The following NRCAM variants were observed in gnomAD, a reference collection of about 807,000 sequenced individuals.
NRCAM encodes the protein NgCAM-related cell adhesion molecule.
NRCAM carries 83 observed loss-of-function variants against 156.5 expected under a neutral mutation model. The ratio of observed to expected loss-of-function variants is 0.53; its 90% CI spans 0.44 to 0.64. NRCAM has a LOEUF of 0.64. NRCAM is among the 30% of genes least tolerant of loss of function. NRCAM has a pLI of 0.00. For missense variants in NRCAM, 1,417 were observed against 1,597.3 expected (o/e 0.89, Z 1.92); for synonymous variants, 538 against 563.9 (o/e 0.95, Z 0.65).
rs1368626957 is a variant in NRCAM, at chr7:108,276,769, C to T, written c.-107+35896G>A. 2.0e-5 allele frequency among the ~76,000 whole-genome samples: 3 copies of T among 152,268 alleles called. No homozygotes were observed. In the East Asian group the frequency reaches 5.8e-4, roughly 29 times the overall value. On this transcript the variant is annotated intron_variant, in intron 3 of 32. Transcript: ENST00000379028. The stretch of plus-strand genomic sequence containing the variant: ...TAATATTGTTAGGTGTGAATTTGAT[C>T]CTGTCATTATGGTGCTACCTGATTA...
chr7:108,344,941 G>C (rs537203011), intron 2 of NRCAM, among the ~76,000 whole-genome samples: 11 of 152,278 alleles, frequency 7.2e-5, no homozygotes, highest in Non-Finnish European at 1.3e-4. Context: ...AGGATAAGGG[G>C]GAGGGAGAAG....
intron 11 of NRCAM, among the ~76,000 whole-genome samples, chr7:108,215,212 ATTTTT>A (rs71137615): frequency 7.9e-6 from 1 of 126,560 alleles, no homozygotes; most frequent in South Asian, 2.5e-4. Context: ...GTGTCCCACT[ATTTTT>A]TTTTTTTTTT....
intron 3 of NRCAM, among the ~76,000 whole-genome samples, chr7:108,258,544 T>C (rs1161956346): frequency 6.6e-6 from 1 of 151,940 alleles, no homozygotes; most frequent in African/African-American, 2.4e-5. Context: ...TGGGGGAAAA[T>C]GATAAAGTAA....
Position 108,367,937 on chromosome 7 carries a change from C to T in NRCAM, c.-174+31499G>A, listed in dbSNP as rs574050637. Reference sequence around the variant, plus strand: ...ATATATAAAAAGACTCAAACCCTAACGTATGGTACAGGTTAAGTTTTGTTC... The same window carrying T: ...ATATATAAAAAGACTCAAACCCTAATGTATGGTACAGGTTAAGTTTTGTTC... On this transcript the variant is annotated intron_variant, in intron 2 of 32. Coordinates refer to ENST00000379028, the MANE Select transcript of NRCAM (RefSeq NM_001037132.4). 1.6e-3 allele frequency among the ~76,000 whole-genome samples: 247 copies of T among 152,130 alleles called. 2 individuals are homozygous for T. Among genetic ancestry groups the T allele is most frequent in the Non-Finnish European group, 2.9e-3 (197 of 68,014 alleles).
chr7:108,374,184 T>C (rs572408528), intron 2 of NRCAM, among the ~76,000 whole-genome samples: 1 of 152,274 alleles, frequency 6.6e-6, no homozygotes, highest in South Asian at 2.1e-4. Context: ...TAATGACTAG[T>C]AACTAGGGCT....
intron 28 of NRCAM, among the ~76,000 whole-genome samples, chr7:108,171,027 A>G (rs577555587): frequency 6.6e-6 from 1 of 152,330 alleles, no homozygotes; most frequent in Admixed American, 6.5e-5. Context: ...CAGAAAAGAT[A>G]CCACAATTTC....
chr7:108,180,086 G>T, intron 25 of NRCAM, 137 bp downstream of exon 25: 1 of 697,160 alleles, frequency 1.4e-6, no homozygotes, highest in East Asian at 2.7e-5. Flanking sequence ...AGCTTTGTGT[G>T]TGCTGTATTC....
intron 3 of NRCAM, among the ~76,000 whole-genome samples, chr7:108,252,956 G>A (rs1174442900): frequency 6.6e-6 from 1 of 152,234 alleles, no homozygotes; most frequent in African/African-American, 2.4e-5. Context: ...GAAAGTGCAG[G>A]CTACTCTGCA....
chr7:108,178,117 C>T lies in NRCAM; in HGVS notation c.2852-5G>A. 6.2e-7 allele frequency: 1 copy of T among 1,608,344 alleles called. No homozygotes were observed. Among genetic ancestry groups the T allele is most frequent in the East Asian group, 2.2e-5 (1 of 44,772 alleles). ...AAGACGAGGGAGCACTGGGGACTTACAGTGAGAACTTACAGTCAACACAAA... is the reference window on the plus strand; with the variant it reads ...AAGACGAGGGAGCACTGGGGACTTATAGTGAGAACTTACAGTCAACACAAA... On this transcript the variant is annotated splice_region_variant and splice_polypyrimidine_tract_variant and intron_variant, in intron 25 of 32. Transcript: ENST00000379028.
At position 108,209,601 on chromosome 7, in the gene NRCAM, T is replaced by C. The variant is rs558718243; in HGVS notation, c.895A>G (p.Thr299Ala). 1 of 1,587,092 alleles carries C rather than the reference T, an allele frequency of 6.3e-7. No homozygotes were observed. Among genetic ancestry groups the C allele is most frequent in the Non-Finnish European group, 8.5e-7 (1 of 1,170,364 alleles). Residue 299 changes from threonine (T) to alanine (A), a missense_variant, in exon 12 of 33, where the codon ACC (threonine) becomes GCC (alanine). Physicochemically the swap from Thr to Ala is moderately conservative, Grantham distance 58. Coordinates refer to ENST00000379028, the MANE Select transcript of NRCAM (RefSeq NM_001037132.4). ...SLECIAEGLPTPIIYWAKEDG... is the reference protein window; with the variant it reads ...SLECIAEGLPAPIIYWAKEDG... Reference sequence around the variant, plus strand: ...TCCTTTGCCCAGTAAATAATTGGGGTAGGCCTGATAGGATAAATAAATAAT... The same window carrying C: ...TCCTTTGCCCAGTAAATAATTGGGGCAGGCCTGATAGGATAAATAAATAAT...
chr7:108,448,127 T>C (rs1429804460), intron 1 of NRCAM, among the ~76,000 whole-genome samples: 1 of 152,194 alleles, frequency 6.6e-6, no homozygotes, highest in Non-Finnish European at 1.5e-5. Flanking sequence ...ATGGAGTTTT[T>C]TAAACCCCAG....
intron 3 of NRCAM, among the ~76,000 whole-genome samples, chr7:108,270,670 C>CT (rs2097310111): frequency 6.6e-6 from 1 of 152,172 alleles, no homozygotes; most frequent in Non-Finnish European, 1.5e-5. Flanking sequence ...GATAAGCAAA[C>CT]TGTGGTATAT....
intron 2 of NRCAM, among the ~76,000 whole-genome samples, chr7:108,355,342 G>A (rs140103360): frequency 5.5e-4 from 84 of 152,288 alleles, no homozygotes; most frequent in African/African-American, 1.5e-3. Flanking sequence ...CAACAGAAGT[G>A]AAGAACTTTT....
intron 3 of NRCAM, among the ~76,000 whole-genome samples, chr7:108,260,625 C>T (rs2096855197): frequency 6.6e-6 from 1 of 152,076 alleles, no homozygotes; most frequent in South Asian, 2.1e-4. Context: ...CCCCCTTGCT[C>T]CTCTGGATTG....
At chr7:108,406,418 T>C (rs1205538646) in intron 1 of NRCAM, among the ~76,000 whole-genome samples, 1 of 152,084 alleles carries the variant, frequency 6.6e-6, no homozygotes, top group Non-Finnish European at 1.5e-5. Flanking sequence ...TATACAGGGA[T>C]TAGGGAGTTT....
At chr7:108,331,219 T>C (rs2099123182) in intron 2 of NRCAM, among the ~76,000 whole-genome samples, 1 of 152,012 alleles carries the variant, frequency 6.6e-6, no homozygotes, top group African/African-American at 2.4e-5. Flanking sequence ...GGCAACATAG[T>C]GAGACCTCGT....
intron 2 of NRCAM, among the ~76,000 whole-genome samples, chr7:108,347,877 C>A (rs140226898): frequency 4.6e-5 from 7 of 152,304 alleles, no homozygotes; most frequent in African/African-American, 1.4e-4. Context: ...CTGAACCCCT[C>A]CACCTTAGCC....
intron 1 of NRCAM, among the ~76,000 whole-genome samples, chr7:108,412,467 T>A (rs1796636355): frequency 6.6e-6 from 1 of 152,294 alleles, no homozygotes; most frequent in African/African-American, 2.4e-5. Context: ...TGTACAACAT[T>A]ATGTTTTGAA....
rs895722418 is a variant in NRCAM, at chr7:108,231,076, G to C, written c.505C>G (p.Pro169Ala). The C allele has an allele frequency of 6.2e-7, 1 of 1,608,856 alleles. No individual in the cohort carries two copies. The highest frequency in any genetic ancestry group is 8.5e-7 in the Non-Finnish European group (1 of 1,176,248). The change falls in exon 8 of 33, where the codon CCC becomes GCC. Residue 169 changes from proline to alanine, a missense_variant. By Grantham distance (27) the Pro-to-Ala change is conservative (BLOSUM62 -1). Transcript: ENST00000379028. Reference protein sequence around the residue: ...SGQSLVLPCRPPIGLPPPIIF... With the variant: ...SGQSLVLPCRAPIGLPPPIIF... ...ATAGGTGGTGGTAATCCAATTGGGG[G>C]TCTGCAGGGAAGTACTAAAGACTGA...
Sources: allele counts gnomAD v4.1 joint callset (sites outside exome capture counted in the v4.1 genomes callset), GRCh38; gene constraint gnomAD v4.1.1; transcripts MANE v1.5; gene names NCBI Gene and HGNC (gene_info 2026-07-23, HGNC 2026-07-21).